HRH4: variants seen among roughly 807,000 people sequenced by gnomAD.
The protein encoded by HRH4 is histamine H4 receptor.
In HRH4, 12 loss-of-function variants were observed where a neutral mutation model predicts 10.4. The observed-to-expected ratio is 1.15, with a 90% CI of 0.74 to 1.87. HRH4 has a LOEUF of 1.87. HRH4 is among the 40% of genes most tolerant of loss of function. The pLI is 0.00. For missense variants in HRH4, 415 were observed against 453.3 expected (o/e 0.92, Z 0.77); for synonymous variants, 154 against 166.6 (o/e 0.92, Z 0.58).
At chr18:24,473,024 G>C (rs868244057) in intron 2 of HRH4, among the ~76,000 whole-genome samples, 1 of 151,978 alleles carries the variant, frequency 6.6e-6, no homozygotes, top group South Asian at 2.1e-4. Flanking sequence ...GCTTGGTGGC[G>C]GGCGCCTGTA....
chr18:24,471,851 A>G (rs1909977514), intron 2 of HRH4, among the ~76,000 whole-genome samples: 1 of 151,852 alleles, frequency 6.6e-6, no homozygotes, highest in Non-Finnish European at 1.5e-5. Context: ...CTGGGTTAAC[A>G]TTTCTTTTTA....
intron 1 of HRH4, among the ~76,000 whole-genome samples, chr18:24,465,921 A>G (rs1220890480): frequency 2.0e-5 from 3 of 152,250 alleles, no homozygotes; most frequent in Non-Finnish European, 2.9e-5. Context: ...CCTCTCAGTC[A>G]GTGGTGTCTA....
At chr18:24,473,572 C>T (rs1910041780) in intron 2 of HRH4, among the ~76,000 whole-genome samples, 1 of 152,152 alleles carries the variant, frequency 6.6e-6, no homozygotes, top group Admixed American at 6.5e-5. Context: ...GTGTCTGTGT[C>T]TCTGTTTTCT....
rs771532637 is a variant in HRH4 at position 24,476,971 on chromosome 18, C to G, written c.582C>G (p.Asn194Lys). The G allele has an allele frequency of 8.1e-6, 13 of 1,614,176 alleles. No individual in the cohort carries two copies. Among genetic ancestry groups the G allele is most frequent in the Non-Finnish European group, 1.1e-5 (13 of 1,180,030 alleles). ...CAGTCATCTTAGTCGCTTATTTCAA[C>G]ATGAATATTTATTGGAGCCTGTGGA... is the stretch of plus-strand genomic sequence containing the variant. ...VIPVILVAYF[N>K]MNIYWSLWKR... Residue 194 changes from asparagine to lysine, a missense_variant, in exon 3 of 3, where the codon AAC becomes AAG. Asn to Lys is a moderately conservative substitution (Grantham distance 94, BLOSUM62 0). Coordinates refer to ENST00000256906, the MANE Select transcript of HRH4 (RefSeq NM_021624.4).
intron 2 of HRH4, among the ~76,000 whole-genome samples, chr18:24,473,529 T>C (rs1344407103): frequency 1.3e-5 from 2 of 152,204 alleles, no homozygotes; most frequent in Non-Finnish European, 2.9e-5. Flanking sequence ...AGTCTTTACA[T>C]CTGTTGTAAC....
chr18:24,466,173 C>T (rs1187707210), intron 1 of HRH4, among the ~76,000 whole-genome samples: 1 of 151,724 alleles, frequency 6.6e-6, no homozygotes, highest in Non-Finnish European at 1.5e-5. Flanking sequence ...AGTGCAGTGG[C>T]GTGATCATGG....
rs764830115 is a variant in HRH4 at position 24,477,252 on chromosome 18, A to C, written c.863A>C (p.His288Pro). ...SFSQSDSVAL[H>P]QREHVELLRA... ...TCCCAATCAGATTCTGTAGCTCTTC[A>C]CCAAAGGGAACATGTTGAACTGCTT... The change falls in exon 3 of 3, where the codon CAC becomes CCC. Residue 288 changes from histidine to proline, a missense_variant. Coordinates refer to ENST00000256906, the MANE Select transcript of HRH4 (RefSeq NM_021624.4). 3 of 1,614,098 alleles carry C rather than the reference A, an allele frequency of 1.9e-6. No individual in the cohort carries two copies. The highest frequency in any genetic ancestry group is 1.3e-5 in the African/African-American group (1 of 74,934).
At chr18:24,466,164 G>A (rs895263139) in intron 1 of HRH4, among the ~76,000 whole-genome samples, 2 of 151,654 alleles carry the variant, frequency 1.3e-5, no homozygotes, top group African/African-American at 4.8e-5. Context: ...CCAGGCTGGA[G>A]TGCAGTGGCG....
intron 2 of HRH4, among the ~76,000 whole-genome samples, chr18:24,473,476 C>T (rs999908772): frequency 6.6e-6 from 1 of 152,168 alleles, no homozygotes; most frequent in Non-Finnish European, 1.5e-5. Flanking sequence ...GCTGGTGTTG[C>T]CAGCAACCCC....
rs1331109624 is a variant in HRH4 at position 24,479,324 on chromosome 18, T to A, written c.*1762T>A. On this transcript the variant is annotated 3_prime_UTR_variant, in exon 3 of 3. Transcript: ENST00000256906. ...AAAATATTGTTGTATTTACTTAATGTCTTTAATGCATTTGCCCAATATTTT... is the reference window on the plus strand; with the variant it reads ...AAAATATTGTTGTATTTACTTAATGACTTTAATGCATTTGCCCAATATTTT... The A allele has an allele frequency of 6.6e-6, 1 of 152,248 alleles. No individual in the cohort carries two copies. Among genetic ancestry groups the A allele is most frequent in the Admixed American group, 6.5e-5 (1 of 15,282 alleles). 9.4% of individuals were successfully genotyped at this position (152,248 alleles called of 1,614,324 possible).
chr18:24,464,976 T>C (rs913893762), intron 1 of HRH4, among the ~76,000 whole-genome samples: 7 of 151,992 alleles, frequency 4.6e-5, no homozygotes, highest in African/African-American at 1.7e-4. Flanking sequence ...ACCTTGGAGC[T>C]AGAATTTACT....
chr18:24,463,797 A>G (rs958693197), intron 1 of HRH4, among the ~76,000 whole-genome samples: 1 of 152,214 alleles, frequency 6.6e-6, no homozygotes, highest in Non-Finnish European at 1.5e-5. Flanking sequence ...AGATTTATTG[A>G]GGAAAAATTC....
At position 24,478,086 on chromosome 18, in the gene HRH4, T is replaced by G. The variant is rs1302191144; in HGVS notation, c.*524T>G. ...CCAGATTTTATATTCCTAATCCCAG[T>G]AAGGAAGAAAGCGTAGTGTGGGAGA... On this transcript the variant is annotated 3_prime_UTR_variant, in exon 3 of 3. Transcript: ENST00000256906. The G allele has an allele frequency of 1.3e-5, 2 of 152,452 alleles. No homozygotes were observed. The highest frequency in any genetic ancestry group is 2.9e-5 in the Non-Finnish European group (2 of 68,260). 9.4% of individuals were successfully genotyped at this position (152,452 alleles called of 1,614,324 possible). A position where few individuals can be genotyped will look rare whatever the true frequency, so the allele number is the denominator to read the frequency against.
chr18:24,477,471 G>A lies in HRH4; in HGVS notation c.1082G>A (p.Cys361Tyr). The A allele has an allele frequency of 1.9e-6, 3 of 1,613,424 alleles. No homozygotes were observed. In the South Asian group the frequency reaches 3.3e-5, roughly 18 times the overall value. ...SFVNPLLYPL[C>Y]HKRFQKAFLK... ...GTCAATCCTCTTTTGTATCCATTGT[G>A]TCACAAGCGCTTTCAAAAGGCTTTC... The change falls in exon 3 of 3, where the codon TGT becomes TAT. Residue 361 changes from cysteine (C) to tyrosine (Y), a missense_variant. Cys to Tyr is a radical substitution (Grantham distance 194). Coordinates refer to ENST00000256906, the MANE Select transcript of HRH4 (RefSeq NM_021624.4).
chr18:24,463,389 T>C (rs623590), intron 1 of HRH4, among the ~76,000 whole-genome samples: 134,321 of 152,282 alleles, frequency 0.88, 59,604 homozygotes, highest in Admixed American at 0.94. Flanking sequence ...GCATATTTAA[T>C]GCAGGGCTCA....
chr18:24,470,501 A>ATTTTGTTTTTTTTTTTTTTTT (rs1909904802), intron 2 of HRH4, among the ~76,000 whole-genome samples: 1 of 129,880 alleles, frequency 7.7e-6, no homozygotes, highest in Non-Finnish European at 1.6e-5. Context: ...TTGTTTCTCT[A>ATTTTGTTTTTTTTTTTTTTTT]TTTTTTTTTT....
intron 1 of HRH4, among the ~76,000 whole-genome samples, chr18:24,467,732 T>A (rs1424813655): frequency 1.3e-5 from 2 of 151,974 alleles, no homozygotes; most frequent in Non-Finnish European, 2.9e-5. Context: ...TTAGTAGAGA[T>A]GAGGTTTCAC....
At chr18:24,468,663 T>C (rs1909844056) in intron 1 of HRH4, 125 bp from the exon 2 acceptor site, 4 of 927,252 alleles carry the variant, frequency 4.3e-6, no homozygotes, top group Non-Finnish European at 4.8e-6. Context: ...CGTGAATTTC[T>C]AAATTAGAGA....
rs1910214654 is a variant in HRH4, at chr18:24,478,636, C to T, written c.*1074C>T. 1 of 152,250 alleles carries T rather than the reference C, an allele frequency of 6.6e-6. No individual in the cohort carries two copies. Among genetic ancestry groups the T allele is most frequent in the Admixed American group, 6.5e-5 (1 of 15,272 alleles). The allele number at this position is 152,250 out of a possible 1,614,324, so 9.4% of individuals were successfully genotyped here. The stretch of plus-strand genomic sequence containing the variant: ...CTTGAACCCGGGAGGCGGAGTTTGC[C>T]AGCCTGGCAACAGAACAAGACTCTG... On this transcript the variant is annotated 3_prime_UTR_variant, in exon 3 of 3. Transcript: ENST00000256906.
Sources: allele counts gnomAD v4.1 joint callset (sites outside exome capture counted in the v4.1 genomes callset), GRCh38; gene constraint gnomAD v4.1.1; transcripts MANE v1.5; gene names NCBI Gene and HGNC (gene_info 2026-07-23, HGNC 2026-07-21).